Variants in EXOC6 observed in about 807,000 individuals in gnomAD.
The protein encoded by EXOC6 is SEC15-like 1.
A neutral mutation model predicts 112.5 loss-of-function variants in EXOC6; 60 were observed. The observed-to-expected ratio is 0.53, with a 90% CI of 0.43 to 0.66. The LOEUF (loss-of-function observed/expected upper bound fraction) is 0.66, where lower values mean the gene tolerates loss of function less well. EXOC6 is among the 30% of genes least tolerant of loss of function. The probability of loss-of-function intolerance (pLI) is 0.00; values close to 1 mark genes in which losing one functional copy is unlikely to be tolerated. For synonymous variants in EXOC6, 295 were observed against 308.0 expected (o/e 0.96, Z 0.44); for missense variants, 855 against 957.1 (o/e 0.89, Z 1.41).
chr10:92,928,530 T>C (rs1310025436), intron 9 of EXOC6, 108 bp downstream of exon 9: 3 of 646,354 alleles, frequency 4.6e-6, no homozygotes, highest in Non-Finnish European at 8.0e-6. Context: ...CAAATATTTA[T>C]TGAACACCTA....
At chr10:92,940,695 T>G (rs373107989) in intron 12 of EXOC6, 32 bp from the exon 13 acceptor site, 413 of 1,391,020 alleles carry the variant, frequency 3.0e-4, no homozygotes, top group Non-Finnish European at 4.0e-4. Context: ...TGTACACTTG[T>G]TTATCTGCTT....
intron 19 of EXOC6, among the ~76,000 whole-genome samples, chr10:93,010,886 T>G (rs898657914): frequency 6.6e-6 from 1 of 152,154 alleles, no homozygotes; most frequent in Non-Finnish European, 1.5e-5. Flanking sequence ...AAGTGCTTAG[T>G]AAAGTATAAA....
chr10:93,005,788 A>T (rs1440935972), intron 19 of EXOC6, among the ~76,000 whole-genome samples: 1 of 152,178 alleles, frequency 6.6e-6, no homozygotes, highest in Non-Finnish European at 1.5e-5. Flanking sequence ...GAGTGCTGGC[A>T]CCTATTTCAA....
chr10:92,978,943 G>A (rs1052913708), intron 18 of EXOC6, among the ~76,000 whole-genome samples: 1 of 152,162 alleles, frequency 6.6e-6, no homozygotes, highest in Non-Finnish European at 1.5e-5. Context: ...GAGTACGTTA[G>A]AGTCAATGGA....
intron 5 of EXOC6, chr10:92,901,889 A>G (rs1347871645): frequency 2.1e-5 from 3 of 145,982 alleles, no homozygotes; most frequent in Non-Finnish European, 4.5e-5. Context: ...AGTCCTAGCT[A>G]CTGGGGGGTT....
chr10:92,942,295 T>C (rs1398440127), intron 13 of EXOC6, among the ~76,000 whole-genome samples: 4 of 152,174 alleles, frequency 2.6e-5, no homozygotes, highest in African/African-American at 4.8e-5. Context: ...CTTGGGAGGT[T>C]GAGGCAGGAG....
In EXOC6 at chr10:93,042,533, C is replaced by T. The variant is rs557948588; in HGVS notation, c.2170-14391C>T. ...TCTTTTACGGAAGAGAAAGTTGGGA[C>T]TCAGAGTTTGTAACTCCCTTAAATG... is the stretch of plus-strand genomic sequence containing the variant. On this transcript the variant is annotated intron_variant, in intron 20 of 21. Transcript: ENST00000260762. Among the ~76,000 whole-genome samples, 3 of 152,304 alleles carry T rather than the reference C, an allele frequency of 2.0e-5. No individual in the cohort carries two copies. In the East Asian group the frequency reaches 5.8e-4, roughly 29 times the overall value.
rs903739329 is a variant in EXOC6 at position 93,056,935 on chromosome 10, G to A, written c.2181G>A (p.Leu727=). 1.9e-6 allele frequency: 3 copies of A among 1,594,470 alleles called. No individual in the cohort carries two copies. In the South Asian group the frequency reaches 3.5e-5, roughly 19 times the overall value. ...AFIDLRQLLD[L]FMVWDWSTYL... ...CCCATCTTTCGCAGCTCCTTGACCTGTTTATGGTTTGGGATTGGTCTACTT... is the reference window on the plus strand; with the variant it reads ...CCCATCTTTCGCAGCTCCTTGACCTATTTATGGTTTGGGATTGGTCTACTT... The change falls in exon 21 of 22, where the codon CTG becomes CTA. Residue 727 remains leucine (L), a synonymous_variant. Coordinates refer to ENST00000260762, the MANE Select transcript of EXOC6 (RefSeq NM_019053.6).
At chr10:92,963,734 T>G (rs999808070) in intron 17 of EXOC6, among the ~76,000 whole-genome samples, 75 of 152,220 alleles carry the variant, frequency 4.9e-4, no homozygotes, top group African/African-American at 1.6e-3. Context: ...GCTTAAGTGA[T>G]CTCCTGCCTC....
intron 17 of EXOC6, 53 bp downstream of exon 17, chr10:92,955,767 T>C (rs945651070): frequency 5.9e-6 from 9 of 1,528,766 alleles, no homozygotes; most frequent in Admixed American, 2.2e-5. Flanking sequence ...AAGCAGACGT[T>C]AAGAAATTAA....
chr10:92,959,077 A>C (rs1853847841), intron 17 of EXOC6, among the ~76,000 whole-genome samples: 1 of 152,132 alleles, frequency 6.6e-6, no homozygotes. Flanking sequence ...CTGGCGGTAG[A>C]GTGAAACTCC....
chr10:92,927,043 A>G (rs777488551), intron 8 of EXOC6, among the ~76,000 whole-genome samples: 1 of 152,234 alleles, frequency 6.6e-6, no homozygotes, highest in South Asian at 2.1e-4. Context: ...ATAATTGGAA[A>G]AAGTTTCGTA....
At chr10:92,992,114 A>G (rs1843287221) in intron 18 of EXOC6, among the ~76,000 whole-genome samples, 1 of 151,906 alleles carries the variant, frequency 6.6e-6, no homozygotes. Flanking sequence ...ACATGGTGAA[A>G]CCCTGTCTCT....
chr10:93,006,233 A>G lies in EXOC6; in HGVS notation c.2096-7961A>G, dbSNP rs371179994. Among the ~76,000 whole-genome samples the G allele has an allele frequency of 6.0e-3, 908 of 152,246 alleles. 10 individuals carry two copies. The highest frequency in any genetic ancestry group is 0.044 in the Middle Eastern group (13 of 294). On this transcript the variant is annotated intron_variant, in intron 19 of 21. Transcript: ENST00000260762. ...GGATGCTGTTTATAGAGTTTTAGCG[A>G]CTATGACCTCTAATTCTAGCCTTGA...
At chr10:92,925,838 A>AT (rs1289959647) in intron 8 of EXOC6, among the ~76,000 whole-genome samples, 2 of 151,440 alleles carry the variant, frequency 1.3e-5, no homozygotes, top group African/African-American at 2.4e-5. Flanking sequence ...TAAAAAAAAA[A>AT]TTTTTTTTAA....
intron 17 of EXOC6, among the ~76,000 whole-genome samples, chr10:92,962,162 T>G (rs1270464789): frequency 6.6e-6 from 1 of 152,122 alleles, no homozygotes; most frequent in African/African-American, 2.4e-5. Flanking sequence ...AGATTTAGGT[T>G]ATTCTAGGAC....
intron 17 of EXOC6, among the ~76,000 whole-genome samples, chr10:92,960,991 G>A (rs375983742): frequency 3.9e-5 from 6 of 152,100 alleles, no homozygotes; most frequent in Admixed American, 2.6e-4. Flanking sequence ...GACTGGATAC[G>A]TGACCTTTGA....
At chr10:92,870,741 G>A (rs1259010427) in intron 1 of EXOC6, among the ~76,000 whole-genome samples, 2 of 148,502 alleles carry the variant, frequency 1.3e-5, no homozygotes, top group Middle Eastern at 3.4e-3. Flanking sequence ...ATGGAGTCTC[G>A]CTCTGTCACC....
chr10:92,934,268 G>GTTTT, intron 10 of EXOC6, 42 bp from the exon 11 acceptor site: 1 of 1,175,568 alleles, frequency 8.5e-7, no homozygotes, highest in Non-Finnish European at 1.2e-6. Flanking sequence ...TTCTATTAGG[G>GTTTT]TTTTTTTTTT....
Sources: gnomAD v4.1 joint callset for allele counts (sites outside exome capture counted in the v4.1 genomes callset) on GRCh38, gnomAD v4.1.1 for gene constraint, MANE v1.5 for transcripts, NCBI Gene and HGNC (gene_info 2026-07-23, HGNC 2026-07-21) for gene names.